CACNA1C: variants seen among roughly 807,000 people sequenced by gnomAD.
The protein encoded by CACNA1C is calcium voltage-gated channel subunit alpha1 C.
In CACNA1C, 30 loss-of-function variants were observed where a neutral mutation model predicts 229.0. That is an observed-to-expected ratio of 0.13 (90% CI 0.10 to 0.18). The LOEUF (loss-of-function observed/expected upper bound fraction) is 0.18, where lower values mean the gene tolerates loss of function less well. Ranked by LOEUF, CACNA1C falls within the 10% of genes least tolerant of loss-of-function variation. The pLI is 1.00. For missense variants in CACNA1C, 1,658 were observed against 2,845.0 expected (o/e 0.58, Z 9.49); for synonymous variants, 1,114 against 1,132.5 (o/e 0.98, Z 0.33).
intron 1 of CACNA1C, among the ~76,000 whole-genome samples, chr12:2,081,961 T>C (rs111347185): frequency 2.0e-5 from 3 of 152,114 alleles, no homozygotes; most frequent in Non-Finnish European, 4.4e-5. Flanking sequence ...TCTTTTATGA[T>C]GTTATTCCAT....
At chr12:2,416,904 C>T (rs1459469114) in intron 3 of CACNA1C, among the ~76,000 whole-genome samples, 1 of 152,356 alleles carries the variant, frequency 6.6e-6, no homozygotes, top group East Asian at 1.9e-4. Context: ...GATTCGAACC[C>T]AGCTCTTCTA....
At chr12:2,498,102 A>T (rs756964086) in intron 7 of CACNA1C, among the ~76,000 whole-genome samples, 1 of 151,936 alleles carries the variant, frequency 6.6e-6, no homozygotes, top group Admixed American at 6.6e-5. Flanking sequence ...GTTTTACCCT[A>T]TTTTTGTCTA....
intron 3 of CACNA1C, among the ~76,000 whole-genome samples, chr12:2,233,522 C>A (rs1275036307): frequency 1.3e-5 from 2 of 152,176 alleles, no homozygotes; most frequent in African/African-American, 2.4e-5. Flanking sequence ...GTTCAGCATT[C>A]TAAAATCATG....
intron 1 of CACNA1C, among the ~76,000 whole-genome samples, chr12:1,989,345 CAGAGCAGGAGCA>C (rs977172712): frequency 6.6e-6 from 1 of 150,742 alleles, no homozygotes; most frequent in African/African-American, 2.4e-5. Context: ...CTCTAAAGAG[CAGAGCAGGAGCA>C]GGAGCAGGAG....
intron 9 of CACNA1C, among the ~76,000 whole-genome samples, chr12:2,518,385 G>T (rs977441099): frequency 6.6e-6 from 1 of 152,162 alleles, no homozygotes; most frequent in African/African-American, 2.4e-5. Flanking sequence ...GAGGCGGGTG[G>T]ATCATGAGGT....
Position 2,410,044 on chromosome 12 carries a change from G to A in CACNA1C, c.478-38932G>A, listed in dbSNP as rs1220881066. Among the ~76,000 whole-genome samples, 1 of 152,208 alleles carries A rather than the reference G, an allele frequency of 6.6e-6. No individual in the cohort carries two copies. Among genetic ancestry groups the A allele is most frequent in the Admixed American group, 6.5e-5 (1 of 15,288 alleles). ...GAGAATTTTCGCTCGGGGTGGGAAT[G>A]AATCATCCTCACCTGCCAGCCGCGG... On this transcript the variant is annotated intron_variant, in intron 3 of 46. Transcript: ENST00000399655. This position sits in a 1 kb window ranked among gnomAD's most constrained non-coding sequence, Gnocchi z 5.3.
intron 5 of CACNA1C, among the ~76,000 whole-genome samples, chr12:2,472,293 T>C (rs906814431): frequency 2.6e-5 from 4 of 152,182 alleles, no homozygotes; most frequent in African/African-American, 9.7e-5. Context: ...CGGGGCTTTG[T>C]TCAGTTTTCT....
chr12:2,177,604 C>A (rs1464985046), intron 3 of CACNA1C, among the ~76,000 whole-genome samples: 4 of 95,660 alleles, frequency 4.2e-5, no homozygotes, highest in African/African-American at 2.0e-4. Flanking sequence ...TTCCTTCCTT[C>A]CTTCCTTCCT....
At chr12:2,502,844 A>T (rs1299163176) in intron 7 of CACNA1C, among the ~76,000 whole-genome samples, 1 of 152,196 alleles carries the variant, frequency 6.6e-6, no homozygotes, top group East Asian at 1.9e-4. Flanking sequence ...AACTCCTTTG[A>T]GGCCCCTGGG....
chr12:2,428,410 A>G (rs543021883), intron 3 of CACNA1C, among the ~76,000 whole-genome samples: 13 of 152,328 alleles, frequency 8.5e-5, no homozygotes, highest in African/African-American at 3.1e-4. Context: ...GGATCCAGCC[A>G]GCTGTGGTGT....
intron 3 of CACNA1C, among the ~76,000 whole-genome samples, chr12:2,272,480 T>C (rs2085519379): frequency 6.6e-6 from 1 of 152,218 alleles, no homozygotes; most frequent in South Asian, 2.1e-4. Flanking sequence ...ACTGATGCCT[T>C]GAGCCGGAAG....
At chr12:2,302,056 A>G (rs1339428253) in intron 3 of CACNA1C, among the ~76,000 whole-genome samples, 1 of 152,208 alleles carries the variant, frequency 6.6e-6, no homozygotes, top group Non-Finnish European at 1.5e-5. Context: ...TGGTTCACTT[A>G]CAAGAAAGAA....
At position 2,467,073 on chromosome 12, in the gene CACNA1C, CCT is replaced by C. The variant is rs1685356712; in HGVS notation, c.757+9368_757+9369del. Among the ~76,000 whole-genome samples, 1 of 152,198 alleles carries C rather than the reference CCT, an allele frequency of 6.6e-6. No homozygotes were observed. Among genetic ancestry groups the C allele is most frequent in the African/African-American group, 2.4e-5 (1 of 41,460 alleles). ...ACAGGGGCATGTGCAGGGGGCCACC[CCT>C]GAGGCCGTCCCTCATTCTCCTTCAC... On this transcript the variant is annotated intron_variant, in intron 5 of 46. Transcript: ENST00000399655. The surrounding 1 kb of genome is among the most constrained non-coding windows in gnomAD (Gnocchi z 4.6).
At chr12:2,364,953 G>A (rs1395828464) in intron 3 of CACNA1C, among the ~76,000 whole-genome samples, 1 of 152,172 alleles carries the variant, frequency 6.6e-6, no homozygotes, top group East Asian at 1.9e-4. Flanking sequence ...TGAATTTAAG[G>A]CAAGAAGGAG....
At chr12:2,336,264 G>A (rs1407848557) in intron 3 of CACNA1C, among the ~76,000 whole-genome samples, 1 of 152,166 alleles carries the variant, frequency 6.6e-6, no homozygotes, top group Non-Finnish European at 1.5e-5. Flanking sequence ...TATTGTATTG[G>A]TCCATCTACT....
chr12:2,035,753 C>A (rs1342580672), intron 1 of CACNA1C, among the ~76,000 whole-genome samples: 1 of 152,234 alleles, frequency 6.6e-6, no homozygotes, highest in Non-Finnish European at 1.5e-5. Context: ...CAGGACGGTA[C>A]TTAAACCATC....
intron 7 of CACNA1C, among the ~76,000 whole-genome samples, chr12:2,497,570 A>G (rs2099749269): frequency 2.6e-5 from 4 of 152,102 alleles, no homozygotes. Context: ...AATGTTGCAC[A>G]CTGTGAACCA....
chr12:2,278,221 C>A (rs1048180819), intron 3 of CACNA1C, among the ~76,000 whole-genome samples: 3 of 152,196 alleles, frequency 2.0e-5, no homozygotes, highest in African/African-American at 7.2e-5. Flanking sequence ...ATAAGATTCA[C>A]CCACTCAGTC....
intron 8 of CACNA1C, among the ~76,000 whole-genome samples, chr12:2,510,064 C>A (rs1415245104): frequency 6.6e-6 from 1 of 152,212 alleles, no homozygotes; most frequent in East Asian, 1.9e-4. Context: ...AGCCCTGGCC[C>A]CTGGCTCTCC....
Sources: allele counts gnomAD v4.1 joint callset (sites outside exome capture counted in the v4.1 genomes callset), GRCh38; gene constraint gnomAD v4.1.1; non-coding constraint Gnocchi (gnomAD v3.1); transcripts MANE v1.5; gene names NCBI Gene and HGNC (gene_info 2026-07-23, HGNC 2026-07-21).